The following CZIB variants were observed in gnomAD, a reference collection of about 807,000 sequenced individuals.
CZIB encodes UPF0587 protein C1orf123.
Under a neutral mutation model 28.3 loss-of-function variants are expected in CZIB, and 26 were observed. That is an observed-to-expected ratio of 0.92 (90% CI 0.67 to 1.27). CZIB has a LOEUF of 1.27. CZIB is among the 50% of genes most tolerant of loss of function. CZIB has a pLI of 0.00. For synonymous variants in CZIB, 78 were observed against 71.1 expected, an observed-to-expected ratio of 1.10 and a Z score of -0.49; for missense variants, 179 against 197.3, an observed-to-expected ratio of 0.91 and a Z score of 0.56.
At chr1:53,218,005 G>T in intron 5 of CZIB, 167 bp downstream of exon 5, 1 of 728,144 alleles carries the variant, frequency 1.4e-6, no homozygotes, top group Non-Finnish European at 2.3e-6. Flanking sequence ...AATATACCAA[G>T]CACTCAGTGT....
chr1:53,218,769 G>T, intron 3 of CZIB, 98 bp downstream of exon 3: 2 of 1,254,922 alleles, frequency 1.6e-6, no homozygotes, highest in Non-Finnish European at 2.3e-6. Context: ...AGGGAGCAAA[G>T]AACTGGAGAG....
chr1:53,216,052 C>G lies in CZIB; in HGVS notation c.344G>C (p.Gly115Ala). The change falls in exon 7 of 8, where the codon GGG becomes GCG. Residue 115 changes from glycine to alanine, a missense_variant. Gly to Ala is a moderately conservative substitution (Grantham distance 60). Transcript: ENST00000294360. ...LEPVDFQPQA[G>A]FAAEGVESGT... Reference sequence around the variant, plus strand: ...TGACTCCACACCTTCAGCAGCAAACCCAGCCTGCAGGGCACAAGAAGGTAC... The same window carrying G: ...TGACTCCACACCTTCAGCAGCAAACGCAGCCTGCAGGGCACAAGAAGGTAC... The G allele has an allele frequency of 6.2e-7, 1 of 1,614,098 alleles. No homozygotes were observed. The highest frequency in any genetic ancestry group is 8.5e-7 in the Non-Finnish European group (1 of 1,179,972).
intron 2 of CZIB, 107 bp from the exon 3 acceptor site, chr1:53,219,030 T>C: frequency 1.1e-6 from 1 of 923,956 alleles, no homozygotes; most frequent in Non-Finnish European, 1.8e-6. Context: ...ACCTTCTTGA[T>C]GGCAATCTCA....
chr1:53,220,182 A>G (rs1217500851), intron 2 of CZIB, 79 bp downstream of exon 2: 2 of 1,266,772 alleles, frequency 1.6e-6, no homozygotes, highest in Non-Finnish European at 2.2e-6. Flanking sequence ...ATATTTTCTC[A>G]TACTGCCGGA....
chr1:53,218,327 C>A, intron 4 of CZIB, 87 bp downstream of exon 4: 1 of 1,579,960 alleles, frequency 6.3e-7, no homozygotes, highest in South Asian at 1.1e-5. Context: ...CTGACTCCAC[C>A]CTCAGGTAAC....
intron 6 of CZIB, 54 bp from the exon 7 acceptor site, chr1:53,216,110 A>G (rs17108139): frequency 1.3e-5 from 20 of 1,574,676 alleles, no homozygotes; most frequent in East Asian, 6.7e-5. Context: ...GCATTGGGCT[A>G]TAAGTAAGGG....
At chr1:53,215,842 C>T (rs1645468201) in intron 7 of CZIB, 149 bp downstream of exon 7, 1 of 735,866 alleles carries the variant, frequency 1.4e-6, no homozygotes, top group Non-Finnish European at 2.4e-6. Context: ...AGCACTTTAG[C>T]ACTATACCTG....
intron 6 of CZIB, 135 bp downstream of exon 6, chr1:53,216,647 C>T: frequency 1.3e-6 from 1 of 793,444 alleles, no homozygotes; most frequent in East Asian, 2.5e-5. Context: ...ACAGCAGCCA[C>T]TTAAGGGACA....
chr1:53,215,915 G>T, intron 7 of CZIB, 76 bp downstream of exon 7: 1 of 1,451,308 alleles, frequency 6.9e-7, no homozygotes, highest in Non-Finnish European at 9.6e-7. Context: ...GCTTTCCATT[G>T]ATGAGCCTTG....
Position 53,214,399 on chromosome 1 carries a change from G to A in CZIB, c.*260C>T, listed in dbSNP as rs1645454401. On this transcript the variant is annotated 3_prime_UTR_variant, in exon 8 of 8. Coordinates refer to ENST00000294360, the MANE Select transcript of CZIB (RefSeq NM_017887.3). ...TAAAAATACTCTTCATTTTCCTAAG[G>A]AGTGAACTGCTGCTGCACGAATTCT... 6.6e-6 allele frequency: 3 copies of A among 457,694 alleles called. No individual in the cohort carries two copies. Among genetic ancestry groups the A allele is most frequent in the Non-Finnish European group, 1.2e-5 (3 of 253,252 alleles). 28.4% of individuals were successfully genotyped at this position (457,694 alleles called of 1,614,324 possible).
Position 53,214,459 on chromosome 1 carries a change from C to A in CZIB, c.*200G>T. The stretch of plus-strand genomic sequence containing the variant: ...AGGGAGTAGCTGCCTCCTTACTTCA[C>A]CTTCATGCACCAGTGCAGCGTGAAC... On this transcript the variant is annotated 3_prime_UTR_variant, in exon 8 of 8. Transcript: ENST00000294360. 1.9e-6 allele frequency: 1 copy of A among 526,836 alleles called. No homozygotes were observed. The allele number at this position is 526,836 out of a possible 1,614,324, so 32.6% of individuals were successfully genotyped here.
chr1:53,220,217 G>GTT (rs1417533830), intron 2 of CZIB, 44 bp downstream of exon 2: 2 of 1,551,654 alleles, frequency 1.3e-6, no homozygotes, highest in African/African-American at 2.7e-5. Context: ...TCAGCACTGA[G>GTT]ATCAGGACGG....
rs776437572 is a variant in CZIB at position 53,218,414 on chromosome 1, C to T, written c.229G>A (p.Glu77Lys). The change falls in exon 4 of 8, where the codon GAG (glutamate) becomes AAG (lysine). Residue 77 changes from glutamate to lysine, a missense_variant and splice_region_variant. Physicochemically the swap from Glu to Lys is moderately conservative, Grantham distance 56 (BLOSUM62 1). Transcript: ENST00000294360. ...CKLCARENSI[E>K]ILSSTIKPYN... ...ACTCAGTACGCACAGCCTGACCTAC[C>T]GATGGAATTTTCTCTTGCACACAGC... The T allele has an allele frequency of 2.1e-5, 34 of 1,614,070 alleles. No homozygotes were observed. The highest frequency in any genetic ancestry group is 2.7e-5 in the Non-Finnish European group (32 of 1,180,020).
chr1:53,220,557 G>A lies in CZIB; in HGVS notation c.6+13C>T, dbSNP rs1289418165. ...TCCCCTCCGTGTCCCCGCGGCGGGC[G>A]GCCTCCCCTCACCCCCATGGTAGCC... On this transcript the variant is annotated intron_variant, in intron 1 of 7. Coordinates refer to ENST00000294360, the MANE Select transcript of CZIB (RefSeq NM_017887.3). The A allele has an allele frequency of 1.3e-6, 2 of 1,599,200 alleles. No individual in the cohort carries two copies. Among genetic ancestry groups the A allele is most frequent in the African/African-American group, 1.3e-5 (1 of 75,028 alleles).
chr1:53,216,371 C>T (rs371377362), intron 6 of CZIB, among the ~76,000 whole-genome samples: 2 of 152,256 alleles, frequency 1.3e-5, no homozygotes, highest in South Asian at 2.1e-4. Context: ...ATTGATAAAA[C>T]GGGGATGAAG....
intron 2 of CZIB, chr1:53,219,264 G>A: frequency 3.1e-6 from 1 of 327,548 alleles, no homozygotes. Context: ...CTATATGGGA[G>A]GAATAAGTTC....
In CZIB at chr1:53,218,465, T is replaced by C. The variant is rs1645488794; in HGVS notation, c.178A>G (p.Ser60Gly). 6.2e-7 allele frequency: 1 copy of C among 1,614,212 alleles called. No homozygotes were observed. The highest frequency in any genetic ancestry group is 8.5e-7 in the Non-Finnish European group (1 of 1,180,030). The change falls in exon 4 of 8, where the codon AGT (serine) becomes GGT (glycine). Residue 60 changes from serine to glycine, a missense_variant. By Grantham distance (56) the Ser-to-Gly change is moderately conservative. Coordinates refer to ENST00000294360, the MANE Select transcript of CZIB (RefSeq NM_017887.3). ...DSVALKGGRG[S>G]ASMVQKCKLC... is the part of the protein sequence containing the mutation. ...TTGCACTTCTGGACCATGGAAGCAC[T>C]GCCACGGCCCCCCTTCAGTGCCACA... is the stretch of plus-strand genomic sequence containing the variant.
At chr1:53,220,471 G>A in intron 1 of CZIB, 99 bp downstream of exon 1, 3 of 1,579,956 alleles carry the variant, frequency 1.9e-6, no homozygotes, top group East Asian at 4.5e-5. Context: ...CTCCTTCAGC[G>A]CGCACCCACT....
At chr1:53,218,657 A>C in intron 3 of CZIB, 162 bp from the exon 4 acceptor site, 1 of 828,644 alleles carries the variant, frequency 1.2e-6, no homozygotes, top group South Asian at 1.8e-5. Context: ...AAAATAAAAA[A>C]AGGGCTTCCC....
Sources: gnomAD v4.1 joint callset for allele counts (sites outside exome capture counted in the v4.1 genomes callset) on GRCh38, gnomAD v4.1.1 for gene constraint, MANE v1.5 for transcripts, NCBI Gene and HGNC (gene_info 2026-07-23, HGNC 2026-07-21) for gene names.